Variants in ANGPTL2 observed in about 807,000 individuals in gnomAD.
ANGPTL2 encodes the protein angiopoietin like 2.
Under a neutral mutation model 52.8 loss-of-function variants are expected in ANGPTL2, and 25 were observed. That is an observed-to-expected ratio of 0.47 (90% CI 0.35 to 0.66). The LOEUF (loss-of-function observed/expected upper bound fraction) is 0.66. Among genes scored for constraint, ANGPTL2 ranks in the 30% least tolerant of loss-of-function variants. The pLI is 0.01. For synonymous variants in ANGPTL2, 276 were observed against 277.4 expected, an observed-to-expected ratio of 1.00 and a Z score of 0.05; for missense variants, 546 against 656.9, an observed-to-expected ratio of 0.83 and a Z score of 1.84.
intron 2 of ANGPTL2, among the ~76,000 whole-genome samples, chr9:127,101,056 CA>C (rs2053672005): frequency 6.6e-6 from 1 of 152,244 alleles, no homozygotes; most frequent in South Asian, 2.1e-4. Flanking sequence ...GAGAGCACCA[CA>C]AGGCCCTTAC....
chr9:127,114,841 G>A (rs994519903), intron 1 of ANGPTL2, among the ~76,000 whole-genome samples: 1 of 152,228 alleles, frequency 6.6e-6, no homozygotes, highest in African/African-American at 2.4e-5. Context: ...GAGTGAGTCT[G>A]GTGGACCTGA....
chr9:127,096,583 GCGC>G (rs1354072924), intron 2 of ANGPTL2, among the ~76,000 whole-genome samples: 2 of 152,204 alleles, frequency 1.3e-5, no homozygotes, highest in Admixed American at 1.3e-4. Context: ...GCCTTTGTGG[GCGC>G]CATGAATGAT....
Position 127,091,602 on chromosome 9 carries a change from CAG to C in ANGPTL2, c.1282+66_1282+67del. ...TCTTCCCGTTTCCAAGCCCTGGAGT[CAG>C]GGGCTCTGGCTCTGGTTGACCTCTT... On this transcript the variant is annotated intron_variant, in intron 4 of 4. Coordinates refer to ENST00000373425, the MANE Select transcript of ANGPTL2 (RefSeq NM_012098.3). This position sits in a 1 kb window ranked among gnomAD's most constrained non-coding sequence, Gnocchi z 4.3. 2 of 1,557,698 alleles carry C rather than the reference CAG, an allele frequency of 1.3e-6. No homozygotes were observed. The highest frequency in any genetic ancestry group is 1.7e-6 in the Non-Finnish European group (2 of 1,151,526).
intron 2 of ANGPTL2, among the ~76,000 whole-genome samples, chr9:127,095,393 A>G (rs532004295): frequency 3.3e-5 from 5 of 152,084 alleles, no homozygotes; most frequent in Non-Finnish European, 7.4e-5. Context: ...GCAAGACAAG[A>G]CTCCGTCTCA....
chr9:127,092,903 A>G (rs1211849363), intron 3 of ANGPTL2, among the ~76,000 whole-genome samples: 1 of 152,160 alleles, frequency 6.6e-6, no homozygotes, highest in Admixed American at 6.5e-5. Context: ...GCAAGGCATC[A>G]TGGCTTCAGG....
At chr9:127,107,018 G>A (rs1467455380) in intron 2 of ANGPTL2, 3 of 152,238 alleles carry the variant, frequency 2.0e-5, no homozygotes, top group Non-Finnish European at 4.4e-5. Flanking sequence ...ATGAACAAGG[G>A]GCTGAGCTTC....
intron 1 of ANGPTL2, among the ~76,000 whole-genome samples, chr9:127,112,598 C>T (rs79124973): frequency 2.0e-4 from 31 of 152,350 alleles, no homozygotes; most frequent in African/African-American, 5.8e-4. Flanking sequence ...CACAGCTCCC[C>T]GACAGAGTTC....
chr9:127,111,667 T>G (rs2054829271), intron 1 of ANGPTL2, among the ~76,000 whole-genome samples: 1 of 152,226 alleles, frequency 6.6e-6, no homozygotes, highest in African/African-American at 2.4e-5. Context: ...ACTAAACATT[T>G]TGCAAGTGTT....
In ANGPTL2 at chr9:127,091,151, A is replaced by G. The variant is rs940817442; in HGVS notation, c.1282+519T>C. ...ATCCTAGACAAAGCACTTTAGGTAC[A>G]TTCTCTCTACCCTTCTCCCTACTCT... On this transcript the variant is annotated intron_variant, in intron 4 of 4. Transcript: ENST00000373425. The surrounding 1 kb of genome is among the most constrained non-coding windows in gnomAD (Gnocchi z 4.3). Among the ~76,000 whole-genome samples the G allele has an allele frequency of 3.9e-5, 6 of 152,326 alleles. No individual in the cohort carries two copies. The highest frequency in any genetic ancestry group is 2.1e-4 in the South Asian group (1 of 4,824).
chr9:127,103,538 G>T (rs2053933099), intron 2 of ANGPTL2, among the ~76,000 whole-genome samples: 1 of 152,212 alleles, frequency 6.6e-6, no homozygotes, highest in Non-Finnish European at 1.5e-5. Flanking sequence ...GTCCAGATTT[G>T]ATAAAAATTA....
At chr9:127,104,528 T>C (rs2054035681) in intron 2 of ANGPTL2, among the ~76,000 whole-genome samples, 2 of 152,254 alleles carry the variant, frequency 1.3e-5, no homozygotes, top group African/African-American at 4.8e-5. Flanking sequence ...AAAATGCCTT[T>C]GGGTCTGGCC....
intron 1 of ANGPTL2, among the ~76,000 whole-genome samples, chr9:127,114,992 A>G (rs1217164805): frequency 2.0e-5 from 3 of 152,192 alleles, no homozygotes; most frequent in Non-Finnish European, 4.4e-5. Flanking sequence ...GTAATCCAAG[A>G]TGTGGGAGGG....
chr9:127,098,114 A>T (rs535227318), intron 2 of ANGPTL2, among the ~76,000 whole-genome samples: 2 of 152,370 alleles, frequency 1.3e-5, no homozygotes, highest in East Asian at 3.9e-4. Flanking sequence ...TTTTCAATAC[A>T]AGACTAAATG....
At chr9:127,089,252 C>G in intron 4 of ANGPTL2, 114 bp from the exon 5 acceptor site, 6 of 1,136,754 alleles carry the variant, frequency 5.3e-6, no homozygotes, top group Non-Finnish European at 7.7e-6. Flanking sequence ...AGCAAGAACG[C>G]TTGAAAGGTG....
chr9:127,095,358 A>G (rs1333157596), intron 2 of ANGPTL2, among the ~76,000 whole-genome samples: 1 of 152,234 alleles, frequency 6.6e-6, no homozygotes, highest in Non-Finnish European at 1.5e-5. Context: ...AGATGGCCCC[A>G]CTGCACTCCA....
chr9:127,105,226 G>C (rs765362007), intron 2 of ANGPTL2, among the ~76,000 whole-genome samples: 30 of 152,212 alleles, frequency 2.0e-4, no homozygotes, highest in Non-Finnish European at 4.0e-4. Context: ...TAACAAAGAA[G>C]GATAAATTCT....
intron 2 of ANGPTL2, chr9:127,107,085 A>G (rs189354520): frequency 1.3e-5 from 2 of 152,352 alleles, no homozygotes; most frequent in Non-Finnish European, 2.9e-5. Flanking sequence ...TGCTTCTTCC[A>G]GAAATGATGA....
intron 2 of ANGPTL2, among the ~76,000 whole-genome samples, chr9:127,095,126 C>T (rs146128349): frequency 4.6e-5 from 7 of 152,342 alleles, no homozygotes; most frequent in Middle Eastern, 3.4e-3. Context: ...GGGCCGGGCA[C>T]GGTGGCTCAC....
rs200073434 is a variant in ANGPTL2, at chr9:127,089,058, C to T, written c.1363G>A (p.Gly455Arg). 23 of 1,614,092 alleles carry T rather than the reference C, an allele frequency of 1.4e-5. No homozygotes were observed. Among genetic ancestry groups the T allele is most frequent in the Admixed American group, 3.3e-5 (2 of 59,998 alleles). ...HSNLNGVWYR[G>R]GHYRSRYQDG... ...TGGTAGCGGCTCCGGTAATGGCCCC[C>T]GCGGTACCAGACCCCGTTGAGGTTG... The change falls in exon 5 of 5, where the codon GGG (glycine) becomes AGG (arginine). Residue 455 changes from glycine (G) to arginine (R), a missense_variant. Physicochemically the swap from Gly to Arg is moderately radical, Grantham distance 125. Coordinates refer to ENST00000373425, the MANE Select transcript of ANGPTL2 (RefSeq NM_012098.3).
Sources: gnomAD v4.1 joint callset for allele counts (sites outside exome capture counted in the v4.1 genomes callset) on GRCh38, gnomAD v4.1.1 for gene constraint, Gnocchi (gnomAD v3.1) non-coding constraint, MANE v1.5 for transcripts, NCBI Gene and HGNC (gene_info 2026-07-23, HGNC 2026-07-21) for gene names.